The following NAV1 variants were observed in gnomAD, a reference collection of about 807,000 sequenced individuals.
The protein encoded by NAV1 is neuron navigator 1.
NAV1 carries 18 observed loss-of-function variants against 175.2 expected under a neutral mutation model. That is an observed-to-expected ratio of 0.10 (90% CI 0.07 to 0.15). NAV1 has a LOEUF of 0.15. Ranked by LOEUF, NAV1 falls within the 10% of genes least tolerant of loss-of-function variation. The probability of loss-of-function intolerance (pLI) is 1.00; values close to 1 mark genes in which losing one functional copy is unlikely to be tolerated. For missense variants in NAV1, 1,731 were observed against 2,436.6 expected, an observed-to-expected ratio of 0.71 and a Z score of 6.10; for synonymous variants, 897 against 978.7, an observed-to-expected ratio of 0.92 and a Z score of 1.56.
intron 1 of NAV1, among the ~76,000 whole-genome samples, chr1:201,661,403 A>T (rs994183010): frequency 2.6e-5 from 4 of 152,214 alleles, no homozygotes; most frequent in Non-Finnish European, 4.4e-5. Flanking sequence ...CTAGTGCTGG[A>T]CAGAGCAAAG....
At chr1:201,742,867 G>C (rs563337208) in intron 3 of NAV1, among the ~76,000 whole-genome samples, 27 of 131,388 alleles carry the variant, frequency 2.1e-4, no homozygotes, top group Admixed American at 3.9e-4. Flanking sequence ...ACCTCTTCCT[G>C]CAAAGCCCCT....
chr1:201,771,385 CCT>C (rs1398812729), intron 3 of NAV1, among the ~76,000 whole-genome samples: 1 of 150,778 alleles, frequency 6.6e-6, no homozygotes, highest in Non-Finnish European at 1.5e-5. Flanking sequence ...GTGGCAGGCA[CCT>C]GTAATCCTAG....
rs140995771 is a variant in NAV1 at position 201,815,580 on chromosome 1, G to C, written c.5341-1508G>C. On this transcript the variant is annotated intron_variant, in intron 28 of 29. Coordinates refer to ENST00000367296, the Ensembl canonical transcript of NAV1. ...ATGGTGGTTACCAGAGGCTGGGCAG[G>C]GGGGTAGGTGAGTAGGAGTGGTTGA... Among the ~76,000 whole-genome samples, 99 of 152,264 alleles carry C rather than the reference G, an allele frequency of 6.5e-4. No homozygotes were observed. In the East Asian group the frequency reaches 0.013, roughly 20 times the overall value.
chr1:201,598,770 T>C (rs1424032438), intron 2 of NAV1, among the ~76,000 whole-genome samples: 3 of 152,146 alleles, frequency 2.0e-5, no homozygotes, highest in African/African-American at 7.2e-5. Context: ...TGTTGCCATT[T>C]TAAAAAGGCT....
Position 201,718,844 on chromosome 1 carries a change from C to T in NAV1, c.1226+89C>T, listed in dbSNP as rs1672248199. 2.0e-6 allele frequency: 3 copies of T among 1,509,508 alleles called. No homozygotes were observed. The highest frequency in any genetic ancestry group is 2.6e-5 in the South Asian group (2 of 77,484). 93.5% of individuals were successfully genotyped at this position (1,509,508 alleles called of 1,614,324 possible). The stretch of plus-strand genomic sequence containing the variant: ...CTTAAAAGTGGAGTGGAACCCAAAA[C>T]GGGTTTTGGTTTGCTGTGCTGCTAT... On this transcript the variant is annotated intron_variant, in intron 3 of 29. Coordinates refer to ENST00000367296, the Ensembl canonical transcript of NAV1. This position sits in a 1 kb window ranked among gnomAD's most constrained non-coding sequence, Gnocchi z 4.8.
Position 201,718,434 on chromosome 1 carries a change from G to A in NAV1, c.905G>A (p.Arg302His), listed in dbSNP as rs979962834. ...TACGACAGCGATGATGCCAACCCACGCAGCGTGTCCAGCCTCTCCAACCGC... is the reference window on the plus strand; with the variant it reads ...TACGACAGCGATGATGCCAACCCACACAGCGTGTCCAGCCTCTCCAACCGC... Residue 302 changes from arginine (R) to histidine (H), a missense_variant, in exon 3 of 30, where the codon CGC becomes CAC. By Grantham distance (29) the Arg-to-His change is conservative. Transcript: ENST00000367296. The surrounding 1 kb of genome is among the most constrained non-coding windows in gnomAD (Gnocchi z 4.8). 3.9e-6 allele frequency: 6 copies of A among 1,555,070 alleles called. No homozygotes were observed. The highest frequency in any genetic ancestry group is 2.7e-5 in the African/African-American group (2 of 74,076).
Position 201,782,959 on chromosome 1 carries a change from C to T in NAV1, c.2357+90C>T, listed in dbSNP as rs1303441482. 2 of 1,145,712 alleles carry T rather than the reference C, an allele frequency of 1.7e-6. No homozygotes were observed. Among genetic ancestry groups the T allele is most frequent in the South Asian group, 3.1e-5 (2 of 64,326 alleles). 71.0% of individuals were successfully genotyped at this position (1,145,712 alleles called of 1,614,324 possible). A position where few individuals can be genotyped will look rare whatever the true frequency, so the allele number is the denominator to read the frequency against. On this transcript the variant is annotated intron_variant, in intron 6 of 29. Coordinates refer to ENST00000367296, the Ensembl canonical transcript of NAV1. This position sits in a 1 kb window ranked among gnomAD's most constrained non-coding sequence, Gnocchi z 5.4. ...CTCCTTGGACTAGATGAGGCATGGC[C>T]TATCCACCGTTGTCTCTAGGCCTTT...
chr1:201,662,369 A>G (rs1352732295), intron 1 of NAV1, among the ~76,000 whole-genome samples: 5 of 152,230 alleles, frequency 3.3e-5, no homozygotes, highest in African/African-American at 1.2e-4. Context: ...CATTCTGCAC[A>G]CCTATCCTTT....
At chr1:201,820,145 G>C in exon 30 of NAV1, 2 of 539,298 alleles carry the variant, frequency 3.7e-6, no homozygotes, top group Non-Finnish European at 3.3e-6. Flanking sequence ...TTGGGAACTT[G>C]TGCCCCCTAA....
intron 3 of NAV1, among the ~76,000 whole-genome samples, chr1:201,760,580 G>C (rs530305838): frequency 1.5e-4 from 23 of 152,208 alleles, no homozygotes; most frequent in Admixed American, 1.1e-3. Context: ...TTTCTCCCTG[G>C]GGACCTCAAT....
exon 4 of NAV1, chr1:201,780,427 T>C (rs1558154804): frequency 1.2e-6 from 2 of 1,614,234 alleles, no homozygotes; most frequent in Admixed American, 3.3e-5. Context: ...GTAGCTGGGA[T>C]GAAAGCAGCT....
At chr1:201,747,290 C>T (rs372273360) in intron 3 of NAV1, among the ~76,000 whole-genome samples, 93 of 152,266 alleles carry the variant, frequency 6.1e-4, no homozygotes, top group Admixed American at 1.8e-3. Flanking sequence ...GTTATTTTTC[C>T]GGCTTGGAAC....
At chr1:201,567,312 CCACAGGTACGAGGG>C (rs1446020688) in intron 1 of NAV1, among the ~76,000 whole-genome samples, 1 of 152,198 alleles carries the variant, frequency 6.6e-6, no homozygotes, top group African/African-American at 2.4e-5. Context: ...ATGGGGCTGT[CCACAGGTACGAGGG>C]CATTGGCTGG....
intron 1 of NAV1, among the ~76,000 whole-genome samples, chr1:201,659,395 C>T (rs1201499004): frequency 6.6e-6 from 1 of 152,170 alleles, no homozygotes; most frequent in Non-Finnish European, 1.5e-5. Flanking sequence ...GTCGTAGAAT[C>T]GCTTGAGCCC....
At chr1:201,726,746 A>C (rs1383522706) in intron 3 of NAV1, among the ~76,000 whole-genome samples, 1 of 152,124 alleles carries the variant, frequency 6.6e-6, no homozygotes, top group Non-Finnish European at 1.5e-5. Context: ...GGGTGGCTAG[A>C]GTATCAAAAT....
At chr1:201,664,201 C>T (rs752481571) in intron 1 of NAV1, among the ~76,000 whole-genome samples, 51 of 152,144 alleles carry the variant, frequency 3.4e-4, no homozygotes, top group Non-Finnish European at 5.9e-4. Context: ...ATTTGCTGGG[C>T]GTGGTGGTGC....
chr1:201,772,142 C>A (rs1675628291), intron 3 of NAV1, among the ~76,000 whole-genome samples: 1 of 152,154 alleles, frequency 6.6e-6, no homozygotes, highest in African/African-American at 2.4e-5. Flanking sequence ...GATGTGTGGA[C>A]ATAACTATTT....
In NAV1 at chr1:201,810,220, G is replaced by T; in HGVS notation, c.4561+115G>T. 1 of 1,374,692 alleles carries T rather than the reference G, an allele frequency of 7.3e-7. No individual in the cohort carries two copies. 85.2% of individuals were successfully genotyped at this position (1,374,692 alleles called of 1,614,324 possible). On this transcript the variant is annotated intron_variant, in intron 23 of 29. Transcript: ENST00000367296. This position sits in a 1 kb window ranked among gnomAD's most constrained non-coding sequence, Gnocchi z 6.0. ...ACTCACTGAGAAGGTATAATATGAA[G>T]ATGCTTAAGTAATGTGAGATATAAA...
intron 3 of NAV1, among the ~76,000 whole-genome samples, chr1:201,734,357 C>T (rs1445241043): frequency 1.3e-5 from 2 of 150,768 alleles, no homozygotes; most frequent in Non-Finnish European, 3.0e-5. Context: ...TGGAGTGAGC[C>T]GTGTCCATGC....
Sources: allele counts gnomAD v4.1 joint callset (sites outside exome capture counted in the v4.1 genomes callset), GRCh38; gene constraint gnomAD v4.1.1; non-coding constraint Gnocchi (gnomAD v3.1); transcripts MANE v1.5; gene names NCBI Gene and HGNC (gene_info 2026-07-23, HGNC 2026-07-21).